PACS1: variants seen among roughly 807,000 people sequenced by gnomAD.
PACS1 encodes PACS-1.
Under a neutral mutation model 115.0 loss-of-function variants are expected in PACS1, and 24 were observed. The ratio of observed to expected loss-of-function variants is 0.21; its 90% confidence interval spans 0.15 to 0.29. PACS1 has a LOEUF of 0.29. Among genes scored for constraint, PACS1 ranks in the 10% least tolerant of loss-of-function variants. The pLI is 1.00. For missense variants in PACS1, 838 were observed against 1,251.2 expected (o/e 0.67, Z 4.98); for synonymous variants, 453 against 504.5 (o/e 0.90, Z 1.37).
At chr11:66,144,792 C>T (rs572621925) in intron 1 of PACS1, among the ~76,000 whole-genome samples, 46 of 152,282 alleles carry the variant, frequency 3.0e-4, no homozygotes, top group African/African-American at 1.1e-3. Context: ...CACCACGACG[C>T]CCAGCTAATT....
At chr11:66,161,163 A>T (rs997220558) in intron 1 of PACS1, among the ~76,000 whole-genome samples, 1 of 152,200 alleles carries the variant, frequency 6.6e-6, no homozygotes, top group Non-Finnish European at 1.5e-5. Context: ...AAGAAATTTC[A>T]TCAGCCTCTG....
At chr11:66,128,441 C>T (rs145278500) in intron 1 of PACS1, among the ~76,000 whole-genome samples, 1 of 152,082 alleles carries the variant, frequency 6.6e-6, no homozygotes, top group East Asian at 1.9e-4. Flanking sequence ...TCAGAATAGC[C>T]CAGGCAAGGG....
intron 1 of PACS1, among the ~76,000 whole-genome samples, chr11:66,118,384 G>A (rs1287638483): frequency 6.6e-5 from 10 of 152,226 alleles, no homozygotes; most frequent in Non-Finnish European, 1.2e-4. Context: ...GGCTGAGGCA[G>A]TAGGATTGCT....
intron 1 of PACS1, among the ~76,000 whole-genome samples, chr11:66,184,968 A>G (rs1189510598): frequency 6.6e-6 from 1 of 152,130 alleles, no homozygotes; most frequent in Non-Finnish European, 1.5e-5. Flanking sequence ...TTGCATGCCT[A>G]TGAAGTGGAA....
chr11:66,149,780 G>A (rs1318690438), intron 1 of PACS1, among the ~76,000 whole-genome samples: 3 of 151,264 alleles, frequency 2.0e-5, no homozygotes, highest in African/African-American at 7.3e-5. Flanking sequence ...ACGGAGTTTC[G>A]CTCTTGTTGC....
chr11:66,104,512 A>G (rs899637959), intron 1 of PACS1, among the ~76,000 whole-genome samples: 1 of 152,194 alleles, frequency 6.6e-6, no homozygotes, highest in African/African-American at 2.4e-5. Context: ...CATGAACCCC[A>G]CAATGGGCAG....
At chr11:66,210,496 C>A in intron 3 of PACS1, 45 bp downstream of exon 3, 2 of 1,338,130 alleles carry the variant, frequency 1.5e-6, no homozygotes, top group Non-Finnish European at 2.2e-6. Flanking sequence ...TATATCCTGG[C>A]TAGTCCCCAG....
At chr11:66,224,399 G>C (rs553335277) in intron 10 of PACS1, among the ~76,000 whole-genome samples, 1 of 152,118 alleles carries the variant, frequency 6.6e-6, no homozygotes, top group Non-Finnish European at 1.5e-5. Flanking sequence ...GTTAAAGCTC[G>C]TGCCTCCCAA....
chr11:66,080,799 A>G (rs1857464610), intron 1 of PACS1, among the ~76,000 whole-genome samples: 1 of 152,230 alleles, frequency 6.6e-6, no homozygotes, highest in Non-Finnish European at 1.5e-5. Context: ...CATCATAGAC[A>G]GCGAGAGGCT....
chr11:66,238,834 C>A lies in PACS1; in HGVS notation c.2281C>A (p.Pro761Thr), dbSNP rs578033982. The change falls in exon 20 of 24, where the codon CCC (proline) becomes ACC (threonine). Residue 761 changes from proline (P) to threonine (T), a missense_variant. By Grantham distance (38) the Pro-to-Thr change is conservative. Transcript: ENST00000320580. ...GAAGGTGGGTCTGGTTGAAGACTCT[C>A]CCTCCACAGCAGGTGAGGCTGGGGC... ...VVKVGLVEDS[P>T]STAGDGDDSP... The A allele has an allele frequency of 5.0e-6, 8 of 1,584,336 alleles. No individual in the cohort carries two copies. In the African/African-American group the frequency reaches 6.7e-5, roughly 13 times the overall value.
chr11:66,216,350 G>A, intron 5 of PACS1, 87 bp downstream of exon 5: 1 of 1,544,204 alleles, frequency 6.5e-7, no homozygotes, highest in East Asian at 2.3e-5. Flanking sequence ...GATGTTCCTG[G>A]GCAAGAGACC....
At chr11:66,183,659 A>T (rs1860054049) in intron 1 of PACS1, among the ~76,000 whole-genome samples, 1 of 152,202 alleles carries the variant, frequency 6.6e-6, no homozygotes, top group Non-Finnish European at 1.5e-5. Flanking sequence ...TCAGGAAAGA[A>T]TTCAAGAGTG....
At chr11:66,166,416 G>A (rs1203225421) in intron 1 of PACS1, among the ~76,000 whole-genome samples, 2 of 152,144 alleles carry the variant, frequency 1.3e-5, no homozygotes, top group African/African-American at 4.8e-5. Flanking sequence ...CAAGGTGCTG[G>A]GATCACAGGC....
chr11:66,163,681 A>G (rs1051696949), intron 1 of PACS1, among the ~76,000 whole-genome samples: 1 of 152,166 alleles, frequency 6.6e-6, no homozygotes, highest in Non-Finnish European at 1.5e-5. Flanking sequence ...ACAGTAAGAT[A>G]ATGGTATTTT....
chr11:66,216,320 G>T, intron 5 of PACS1, 57 bp downstream of exon 5: 2 of 1,601,572 alleles, frequency 1.2e-6, no homozygotes, highest in Non-Finnish European at 1.7e-6. Flanking sequence ...CCTGGGAAAG[G>T]TGAACAAGAC....
At chr11:66,105,877 C>T (rs1363134555) in intron 1 of PACS1, among the ~76,000 whole-genome samples, 1 of 152,242 alleles carries the variant, frequency 6.6e-6, no homozygotes, top group East Asian at 1.9e-4. Flanking sequence ...TTGGCTGGAA[C>T]CTGAATTGGG....
chr11:66,175,812 T>A (rs1440791641), intron 1 of PACS1, among the ~76,000 whole-genome samples: 2 of 152,208 alleles, frequency 1.3e-5, no homozygotes, highest in African/African-American at 2.4e-5. Flanking sequence ...CTGAGCGTCG[T>A]CTCTGATTTT....
chr11:66,105,830 A>T (rs573708032), intron 1 of PACS1, among the ~76,000 whole-genome samples: 1 of 152,328 alleles, frequency 6.6e-6, no homozygotes, highest in Non-Finnish European at 1.5e-5. Context: ...ACACAGCTAC[A>T]GTATACTTTC....
chr11:66,104,263 A>G lies in PACS1; in HGVS notation c.356+33421A>G, dbSNP rs544045552. Among the ~76,000 whole-genome samples, 3 of 152,320 alleles carry G rather than the reference A, an allele frequency of 2.0e-5. No individual in the cohort carries two copies. The South Asian group carries it at 6.2e-4, about 32-fold the overall frequency. ...TTTAGGGCTGTGGCATTGGGCGGAA[A>G]GGAAATTGCAAATGTCAGTCACGGC... On this transcript the variant is annotated intron_variant, in intron 1 of 23. Coordinates refer to ENST00000320580, the MANE Select transcript of PACS1 (RefSeq NM_018026.4).
Sources: gnomAD v4.1 joint callset for allele counts (sites outside exome capture counted in the v4.1 genomes callset) on GRCh38, gnomAD v4.1.1 for gene constraint, MANE v1.5 for transcripts, NCBI Gene and HGNC (gene_info 2026-07-23, HGNC 2026-07-21) for gene names.